Variants in MVP observed in about 807,000 individuals in gnomAD.
MVP encodes the protein lung resistance-related protein.
In MVP, 62 loss-of-function variants were observed where a neutral mutation model predicts 83.5. The ratio of observed to expected loss-of-function variants is 0.74; its 90% confidence interval spans 0.61 to 0.92. The LOEUF is 0.92. Ranked by LOEUF, MVP falls within the 40% of genes least tolerant of loss-of-function variation. The pLI, the probability that MVP is intolerant of heterozygous loss-of-function variation, is 0.00. For synonymous variants in MVP, 505 were observed against 504.1 expected, an observed-to-expected ratio of 1.00 and a Z score of -0.02; for missense variants, 1,000 against 1,203.4, an observed-to-expected ratio of 0.83 and a Z score of 2.50.
chr16:29,846,224 T>G lies in MVP; in HGVS notation c.2205T>G (p.Ile735Met). 1 of 1,591,578 alleles carries G rather than the reference T, an allele frequency of 6.3e-7. No homozygotes were observed. Among genetic ancestry groups the G allele is most frequent in the Non-Finnish European group, 8.6e-7 (1 of 1,168,500 alleles). The part of the protein sequence containing the change: ...EAESRAEAAR[I>M]EGEGSVLQAK... ...AGTCCCGTGCGGAGGCAGCCCGGAT[T>G]GAGGGAGAAGGGTCCGTGCTGCAGG... The change falls in exon 13 of 15, where the codon ATT becomes ATG. Residue 735 changes from isoleucine to methionine, a missense_variant. Transcript: ENST00000357402.
At chr16:29,828,418 TG>T (rs2150751556) in intron 1 of MVP, among the ~76,000 whole-genome samples, 1 of 151,606 alleles carries the variant, frequency 6.6e-6, no homozygotes, top group South Asian at 2.1e-4. Flanking sequence ...CTCGCTCTGT[TG>T]CCCAGGCTGG....
At chr16:29,828,606 C>G (rs1168997971) in intron 1 of MVP, among the ~76,000 whole-genome samples, 1 of 152,172 alleles carries the variant, frequency 6.6e-6, no homozygotes, top group East Asian at 1.9e-4. Flanking sequence ...TCTCGAACTC[C>G]TGACCTCAGG....
chr16:29,834,249 C>T (rs759519531), intron 5 of MVP, 183 bp downstream of exon 5: 7 of 806,988 alleles, frequency 8.7e-6, no homozygotes, highest in Non-Finnish European at 1.3e-5. Flanking sequence ...GCTGTTTCCA[C>T]TTGGGCTGGA....
At chr16:29,831,140 GC>G in intron 3 of MVP, 67 bp downstream of exon 3, 1 of 1,397,700 alleles carries the variant, frequency 7.2e-7, no homozygotes, top group South Asian at 1.3e-5. Context: ...GCTCTATACT[GC>G]TGCCTTCTTC....
At chr16:29,838,472 A>C (rs1476082288) in intron 7 of MVP, among the ~76,000 whole-genome samples, 1 of 152,068 alleles carries the variant, frequency 6.6e-6, no homozygotes, top group African/African-American at 2.4e-5. Flanking sequence ...AAATGTACAT[A>C]TATAATGAAT....
chr16:29,831,040 C>T lies in MVP; in HGVS notation c.288C>T (p.Pro96=). ...TCGAGATCCGGCTGGCCCAGGACCC[C>T]TTCCCCCTGTACCCAGGGGAGGTGC... ...ADLEIRLAQD[P]FPLYPGEVLE... is the part of the protein sequence containing the mutation. Residue 96 remains proline, a synonymous_variant, in exon 3 of 15, where the codon CCC becomes CCT. Transcript: ENST00000357402. The T allele has an allele frequency of 6.2e-7, 1 of 1,613,448 alleles. No individual in the cohort carries two copies. The highest frequency in any genetic ancestry group is 8.5e-7 in the Non-Finnish European group (1 of 1,179,982).
At chr16:29,830,383 G>T in intron 1 of MVP, 132 bp from the exon 2 acceptor site, 1 of 689,550 alleles carries the variant, frequency 1.5e-6, no homozygotes, top group South Asian at 1.8e-5. Context: ...ATGCAGATGC[G>T]GACAGGGAAG....
Position 29,841,895 on chromosome 16 carries a change from A to ACCCTCGGCTGTCTCTGC in MVP, c.1437-19_1437-3dup. On this transcript the variant is annotated intron_variant, in intron 9 of 14. Transcript: ENST00000357402. The surrounding 1 kb of genome is among the most constrained non-coding windows in gnomAD (Gnocchi z 4.7). ...GTGGCTCTCCATGGGTCTGGCTCTG[A>ACCCTCGGCTGTCTCTGC]CCCTCGGCTGTCTCTGCAGCGTGGT... is the stretch of plus-strand genomic sequence containing the variant. The ACCCTCGGCTGTCTCTGC allele has an allele frequency of 6.2e-7, 1 of 1,610,514 alleles. No homozygotes were observed.
intron 3 of MVP, among the ~76,000 whole-genome samples, chr16:29,832,415 A>G (rs2067450873): frequency 6.9e-6 from 1 of 145,098 alleles, no homozygotes; most frequent in Non-Finnish European, 1.5e-5. Context: ...CTCCTGCCTC[A>G]GCCTCCCGAG....
In MVP at chr16:29,836,972, A is replaced by AC. The variant is rs757062210; in HGVS notation, c.909+19dup. ...CGCGTGGTCAAGGTGAGGTCCCTAC[A>AC]CCCCCACAGAGGACTGCCCTGGGAG... On this transcript the variant is annotated intron_variant, in intron 7 of 14. Transcript: ENST00000357402. 1.3e-6 allele frequency: 2 copies of AC among 1,597,602 alleles called. No individual in the cohort carries two copies. The highest frequency in any genetic ancestry group is 1.7e-6 in the Non-Finnish European group (2 of 1,168,978).
In MVP at chr16:29,836,778, C is replaced by A; in HGVS notation, c.729C>A (p.Arg243=). 6.2e-7 allele frequency: 1 copy of A among 1,612,616 alleles called. No individual in the cohort carries two copies. The highest frequency in any genetic ancestry group is 8.5e-7 in the Non-Finnish European group (1 of 1,179,054). Reference sequence around the variant, plus strand: ...TCCGGGACTTCAGGGGAGTGTCCCGCCGCACTGGGGAGGAGTGGCTGGTAA... The same window carrying A: ...TCCGGGACTTCAGGGGAGTGTCCCGACGCACTGGGGAGGAGTGGCTGGTAA... ...RNFRDFRGVS[R]RTGEEWLVTV... The change falls in exon 7 of 15, where the codon CGC becomes CGA. Residue 243 remains arginine, a synonymous_variant. Transcript: ENST00000357402.
rs769471740 is a variant in MVP, at chr16:29,834,043, G to A, written c.554G>A (p.Arg185Gln). The A allele has an allele frequency of 2.5e-6, 4 of 1,613,692 alleles. No individual in the cohort carries two copies. Among genetic ancestry groups the A allele is most frequent in the East Asian group, 2.2e-5 (1 of 44,892 alleles). Residue 185 changes from arginine (R) to glutamine (Q), a missense_variant, in exon 5 of 15, where the codon CGG becomes CAG. Arg to Gln is a conservative substitution (Grantham distance 43). Transcript: ENST00000357402. ...AGGGCCCGCAAGGAGTGCTGGGACC[G>A]GGACGGCAAGGAGAGGGTGACAGGT... Reference protein sequence around the residue: ...RLRARKECWDRDGKERVTGEE... With the variant: ...RLRARKECWDQDGKERVTGEE...
In MVP at chr16:29,824,211, C is replaced by CAAAAAAAAA. The variant is rs61338952; in HGVS notation, c.-36+3723_-36+3731dup. On this transcript the variant is annotated intron_variant, in intron 1 of 14. Coordinates refer to ENST00000357402, the MANE Select transcript of MVP (RefSeq NM_005115.5). ...GGGCAACAAGCACGAAACTCCATCT[C>CAAAAAAAAA]AAAAAAAAAAAAAAAAAAAAAAAAA... Among the ~76,000 whole-genome samples the CAAAAAAAAA allele has an allele frequency of 4.3e-4, 17 of 39,662 alleles. 1 individual carries two copies. Among genetic ancestry groups the CAAAAAAAAA allele is most frequent in the East Asian group, 1.3e-3 (1 of 790 alleles). The allele number at this position is 39,662 out of a possible 152,430, so 26.0% of individuals were successfully genotyped here.
intron 3 of MVP, 80 bp from the exon 4 acceptor site, chr16:29,833,653 G>A (rs2067462205): frequency 3.8e-6 from 6 of 1,585,642 alleles, no homozygotes; most frequent in Admixed American, 1.7e-5. Flanking sequence ...TGGATGTTGT[G>A]GACCCGCCTC....
chr16:29,845,731 T>G, intron 11 of MVP, 132 bp from the exon 12 acceptor site: 1 of 668,850 alleles, frequency 1.5e-6, no homozygotes, highest in East Asian at 2.7e-5. Flanking sequence ...CTGGGTTGAG[T>G]TGCGTATTGG....
In MVP at chr16:29,842,031, TG is replaced by T; in HGVS notation, c.1557del (p.Pro520LeufsTer30). On this transcript the variant is annotated frameshift_variant, in exon 10 of 15. Coordinates refer to ENST00000357402, the MANE Select transcript of MVP (RefSeq NM_005115.5). LOFTEE classifies it high-confidence loss of function. Reference protein sequence around the residue: ...PHARRALCLLLGPDFFTDVIT... With the variant: ...PHARRALCLLXGPDFFTDVIT... ...GCCCGCCGTGCGCTCTGCCTGCTGC[TG>T]GGGCCTGACTTCTTCACAGACGTCA... The T allele has an allele frequency of 6.2e-7, 1 of 1,611,228 alleles. No homozygotes were observed.
intron 1 of MVP, among the ~76,000 whole-genome samples, chr16:29,824,224 A>C (rs1290605085): frequency 2.1e-5 from 3 of 139,552 alleles, no homozygotes; most frequent in African/African-American, 3.1e-5. Context: ...AAAAAAAAAA[A>C]AAAAAAAAAA....
Position 29,846,311 on chromosome 16 carries a change from G to A in MVP, c.2265+27G>A, listed in dbSNP as rs754330789. 1.9e-6 allele frequency: 3 copies of A among 1,542,016 alleles called. No individual in the cohort carries two copies. In the South Asian group the frequency reaches 3.6e-5, roughly 19 times the overall value. ...TGAGTGGGGGGAGGCATTAAGAAGA[G>A]GGTGGCCTTGAGTCCTGGAAAAGGC... On this transcript the variant is annotated intron_variant, in intron 13 of 14. Transcript: ENST00000357402.
chr16:29,829,237 C>A (rs868100348), intron 1 of MVP, among the ~76,000 whole-genome samples: 1 of 151,504 alleles, frequency 6.6e-6, no homozygotes, highest in Non-Finnish European at 1.5e-5. Context: ...ATAATCCCAG[C>A]ACTTTGGGAG....
Sources: allele counts gnomAD v4.1 joint callset (sites outside exome capture counted in the v4.1 genomes callset), GRCh38; gene constraint gnomAD v4.1.1; non-coding constraint Gnocchi (gnomAD v3.1); transcripts MANE v1.5; gene names NCBI Gene and HGNC (gene_info 2026-07-23, HGNC 2026-07-21).